Variants in PPP4R1 observed in about 807,000 individuals in gnomAD.
The protein encoded by PPP4R1 is serine/threonine-protein phosphatase 4 regulatory subunit 1.
In PPP4R1, 42 loss-of-function variants were observed where a neutral mutation model predicts 111.2. The ratio of observed to expected loss-of-function variants is 0.38; its 90% CI spans 0.29 to 0.49. PPP4R1 has a LOEUF of 0.49. Among genes scored for constraint, PPP4R1 ranks in the 20% least tolerant of loss-of-function variants. The probability of loss-of-function intolerance (pLI) is 0.97; values close to 1 mark genes in which losing one functional copy is unlikely to be tolerated. For missense variants in PPP4R1, 1,012 were observed against 1,161.6 expected (o/e 0.87, Z 1.87); for synonymous variants, 409 against 405.5 (o/e 1.01, Z -0.10).
intron 6 of PPP4R1, among the ~76,000 whole-genome samples, chr18:9,586,438 T>C (rs2067117856): frequency 6.6e-6 from 1 of 152,138 alleles, no homozygotes; most frequent in African/African-American, 2.4e-5. Flanking sequence ...TAATGATGTT[T>C]TGGAACTAGG....
At chr18:9,615,993 C>G (rs376820166), upstream of PPP4R1, among the ~76,000 whole-genome samples, 1 of 152,108 alleles carries the variant, frequency 6.6e-6, no homozygotes, top group Non-Finnish European at 1.5e-5. Flanking sequence ...GAATAGACCC[C>G]GTAACCCCGA....
At chr18:9,563,651 A>G (rs1598903324) in intron 11 of PPP4R1, 101 bp from the exon 12 acceptor site, 5 of 1,101,514 alleles carry the variant, frequency 4.5e-6, no homozygotes, top group Middle Eastern at 2.1e-4. Flanking sequence ...TGAAATATAT[A>G]CTTTTTTGAC....
chr18:9,603,287 T>G (rs2067422756), intron 2 of PPP4R1, among the ~76,000 whole-genome samples: 1 of 122,796 alleles, frequency 8.1e-6, no homozygotes, highest in East Asian at 2.1e-4. Context: ...GAAATGATGT[T>G]AAGTATTATC....
At chr18:9,569,458 ACTGC>A (rs1218110051) in intron 11 of PPP4R1, among the ~76,000 whole-genome samples, 1 of 152,198 alleles carries the variant, frequency 6.6e-6, no homozygotes, top group Non-Finnish European at 1.5e-5. Context: ...GACTGCGTGT[ACTGC>A]TATCTTATAA....
chr18:9,547,920 C>T lies in PPP4R1; in HGVS notation c.2722G>A (p.Glu908Lys), dbSNP rs757195609. The T allele has an allele frequency of 1.2e-6, 2 of 1,614,032 alleles. No homozygotes were observed. The highest frequency in any genetic ancestry group is 3.3e-5 in the Admixed American group (2 of 60,026). The change falls in exon 20 of 20, where the codon GAG (glutamate) becomes AAG (lysine). Residue 908 changes from glutamate (E) to lysine (K), a missense_variant. Physicochemically the swap from Glu to Lys is moderately conservative, Grantham distance 56. Around this residue, in one of 2 missense-constraint regions of PPP4R1, gnomAD observed 305 missense variants for 419.5 expected, o/e 0.73. Coordinates refer to ENST00000400556, the MANE Select transcript of PPP4R1 (RefSeq NM_001042388.3). Reference protein sequence around the residue: ...YFLASASCHQEAVEQTIMALQ... With the variant: ...YFLASASCHQKAVEQTIMALQ... ...GCCATGATGGTCTGCTCCACAGCCT[C>T]CTGGTGGCAGCTGGCAGAGGCCAAG...
chr18:9,565,168 G>A (rs903699729), intron 11 of PPP4R1, among the ~76,000 whole-genome samples: 2 of 152,022 alleles, frequency 1.3e-5, no homozygotes, highest in East Asian at 1.9e-4. Flanking sequence ...TGCTATATCC[G>A]CTATGGTGAT....
chr18:9,563,608 A>C, intron 11 of PPP4R1, 58 bp from the exon 12 acceptor site: 1 of 1,429,230 alleles, frequency 7.0e-7, no homozygotes, highest in Non-Finnish European at 9.5e-7. Context: ...TATTCTTACA[A>C]GGCTGTTCTC....
chr18:9,593,685 A>G, intron 4 of PPP4R1, 83 bp downstream of exon 4: 1 of 1,196,350 alleles, frequency 8.4e-7, no homozygotes, highest in East Asian at 2.4e-5. Context: ...TATCACATTA[A>G]CTTGTTCATT....
intron 8 of PPP4R1, 72 bp downstream of exon 8, chr18:9,584,443 T>A: frequency 1.5e-6 from 2 of 1,308,420 alleles, no homozygotes; most frequent in Non-Finnish European, 2.1e-6. Flanking sequence ...TTGGAGTAAA[T>A]GTGTGCATTT....
chr18:9,602,039 T>A (rs1260047010), intron 2 of PPP4R1, among the ~76,000 whole-genome samples: 1 of 152,134 alleles, frequency 6.6e-6, no homozygotes, highest in Non-Finnish European at 1.5e-5. Flanking sequence ...TTAATCCTTG[T>A]TACCTATAGA....
rs774113913 is a variant in PPP4R1, at chr18:9,594,999, A to G, written c.188+19T>C. ...ACCACCCTTCCACTTCCACTTTAAC[A>G]AAAAGAATATGCACATACCTGTTAA... is the stretch of plus-strand genomic sequence containing the variant. On this transcript the variant is annotated intron_variant, in intron 3 of 19. Transcript: ENST00000400556. 1.9e-6 allele frequency: 3 copies of G among 1,606,618 alleles called. No individual in the cohort carries two copies. The highest frequency in any genetic ancestry group is 1.7e-4 in the Middle Eastern group (1 of 6,028).
In PPP4R1 at chr18:9,614,323, G is replaced by C; in HGVS notation, c.8-53C>G. The C allele has an allele frequency of 2.7e-6, 3 of 1,123,226 alleles. No individual in the cohort carries two copies. The highest frequency in any genetic ancestry group is 5.3e-5 in the East Asian group (1 of 19,026). 69.6% of individuals were successfully genotyped at this position (1,123,226 alleles called of 1,614,324 possible). ...CGGTCAGCGCCCCGGGGCCCGGCGC[G>C]ACGCCCCCCCCCCGCCCGCCTCCCC... On this transcript the variant is annotated intron_variant, in intron 1 of 19. Transcript: ENST00000400556. The surrounding 1 kb of genome is among the most constrained non-coding windows in gnomAD (Gnocchi z 4.1).
chr18:9,549,495 A>G (rs896299863), intron 18 of PPP4R1, among the ~76,000 whole-genome samples, 157 bp from the exon 19 acceptor site: 9 of 152,198 alleles, frequency 5.9e-5, no homozygotes, highest in African/African-American at 1.7e-4. Context: ...CAAAAATTAC[A>G]TAATTAACTG....
intron 6 of PPP4R1, 101 bp from the exon 7 acceptor site, chr18:9,584,929 G>T: frequency 2.1e-6 from 2 of 942,048 alleles, no homozygotes; most frequent in Non-Finnish European, 3.2e-6. Context: ...CATAAAATAT[G>T]ATATGGCATC....
rs2067090369 is a variant in PPP4R1, at chr18:9,584,838, G to A, written c.586-10C>T. On this transcript the variant is annotated splice_polypyrimidine_tract_variant and intron_variant, in intron 6 of 19. Coordinates refer to ENST00000400556, the MANE Select transcript of PPP4R1 (RefSeq NM_001042388.3). ...CCATTTTGCACATTATCTAAAATAA[G>A]TAAGAACAAACACACACTGAAAATA... The A allele has an allele frequency of 1.9e-6, 3 of 1,582,466 alleles. No individual in the cohort carries two copies. The highest frequency in any genetic ancestry group is 1.7e-6 in the Non-Finnish European group (2 of 1,154,860).
chr18:9,559,631 A>G (rs773649824), intron 13 of PPP4R1, 27 bp from the exon 14 acceptor site: 1 of 1,519,454 alleles, frequency 6.6e-7, no homozygotes, highest in Non-Finnish European at 8.9e-7. Context: ...AACCACAGTG[A>G]CTGAGCAGCT....
intron 14 of PPP4R1, among the ~76,000 whole-genome samples, chr18:9,558,699 G>GTT (rs1555666878): frequency 1.3e-5 from 2 of 148,168 alleles, no homozygotes; most frequent in East Asian, 3.9e-4. Flanking sequence ...TAATCAGACT[G>GTT]TTTTTTTTTT....
rs547833269 is a variant in PPP4R1 at position 9,547,049 on chromosome 18, G to C, written c.*740C>G. 2.6e-5 allele frequency: 4 copies of C among 152,736 alleles called. No individual in the cohort carries two copies. Among genetic ancestry groups the C allele is most frequent in the African/African-American group, 9.6e-5 (4 of 41,556 alleles). The allele number at this position is 152,736 out of a possible 1,614,324, so 9.5% of individuals were successfully genotyped here. On this transcript the variant is annotated 3_prime_UTR_variant, in exon 20 of 20. Transcript: ENST00000400556. ...TGTGAAGAAGTTGCACCTCAGAGCT[G>C]ATCATGATCAAGTTAAAAACACCAG...
intron 2 of PPP4R1, among the ~76,000 whole-genome samples, chr18:9,598,304 C>A (rs986674818): frequency 6.6e-6 from 1 of 152,052 alleles, no homozygotes; most frequent in South Asian, 2.1e-4. Context: ...AACTATCAAT[C>A]TACAGACAGA....
Sources: gnomAD v4.1 joint callset for allele counts (sites outside exome capture counted in the v4.1 genomes callset) on GRCh38, gnomAD v4.1.1 for gene constraint, gnomAD v4.1.1 regional missense constraint, Gnocchi (gnomAD v3.1) non-coding constraint, MANE v1.5 for transcripts, NCBI Gene and HGNC (gene_info 2026-07-23, HGNC 2026-07-21) for gene names.